Variants in POLL observed in about 807,000 individuals in gnomAD.
POLL encodes DNA polymerase lambda, also known as DNA polymerase beta-2.
POLL carries 44 observed loss-of-function variants against 58.1 expected under a neutral mutation model. The observed-to-expected ratio is 0.76, with a 90% CI of 0.60 to 0.97. The LOEUF (loss-of-function observed/expected upper bound fraction) is 0.97, where lower values mean the gene tolerates loss of function less well. POLL is among the 50% of genes least tolerant of loss of function. The pLI, the probability that POLL is intolerant of heterozygous loss-of-function variation, is 0.00. For synonymous variants in POLL, 290 were observed against 283.2 expected, an observed-to-expected ratio of 1.02 and a Z score of -0.24; for missense variants, 632 against 736.8, an observed-to-expected ratio of 0.86 and a Z score of 1.65.
chr10:101,588,177 G>T lies in POLL; in HGVS notation c.-402C>A. 6.6e-7 allele frequency: 1 copy of T among 1,523,526 alleles called. No individual in the cohort carries two copies. Among genetic ancestry groups the T allele is most frequent in the South Asian group, 1.2e-5 (1 of 82,568 alleles). 94.4% of individuals were successfully genotyped at this position (1,523,526 alleles called of 1,614,324 possible). On this transcript the variant is annotated 5_prime_UTR_variant, in exon 1 of 9. Coordinates refer to ENST00000370162, the MANE Select transcript of POLL (RefSeq NM_001174084.2). ...CGACTACTGGCCAAGCTAGTCACCC[G>T]GGGGTGGGCAGGAATAGACCACTTA...
At chr10:101,583,326 G>C in intron 6 of POLL, 182 bp downstream of exon 6, 2 of 622,642 alleles carry the variant, frequency 3.2e-6, no homozygotes, top group South Asian at 2.0e-5. Flanking sequence ...AAGCAACAAG[G>C]CTGTTCTGGG....
At chr10:101,586,942 G>A (rs540783074) in intron 2 of POLL, among the ~76,000 whole-genome samples, 1 of 152,302 alleles carries the variant, frequency 6.6e-6, no homozygotes, top group South Asian at 2.1e-4. Flanking sequence ...CAACAAGCCT[G>A]GGTAATGGAG....
At position 101,582,842 on chromosome 10, in the gene POLL, T is replaced by C; in HGVS notation, c.1115A>G (p.Gln372Arg). 6.2e-7 allele frequency: 1 copy of C among 1,614,092 alleles called. No homozygotes were observed. The highest frequency in any genetic ancestry group is 8.5e-7 in the Non-Finnish European group (1 of 1,179,928). Residue 372 changes from glutamine (Q) to arginine (R), a missense_variant, in exon 7 of 9, where the codon CAG becomes CGG. Transcript: ENST00000370162. ...GTAATGCTTCAGGCCGATGGCCTGC[T>C]GGGTTGTCAGGGAGGCCTGGCTGCG... Reference protein sequence around the residue: ...DIRSQASLTTQQAIGLKHYSD... With the variant: ...DIRSQASLTTRQAIGLKHYSD...
chr10:101,587,511 G>T (rs1266857599), intron 1 of POLL, 105 bp from the exon 2 acceptor site: 11 of 1,484,862 alleles, frequency 7.4e-6, no homozygotes, highest in Non-Finnish European at 9.9e-6. Flanking sequence ...TGGGGAAGCG[G>T]GTCGGGGGAG....
chr10:101,585,745 C>T (rs2063289749), intron 3 of POLL, 117 bp downstream of exon 3: 2 of 970,666 alleles, frequency 2.1e-6, no homozygotes, highest in South Asian at 1.9e-5. Context: ...GGACTACAGG[C>T]ACACCCCACC....
intron 2 of POLL, among the ~76,000 whole-genome samples, chr10:101,586,414 T>C (rs2063338046): frequency 6.6e-6 from 1 of 152,208 alleles, no homozygotes. Flanking sequence ...GTCTGGCACA[T>C]TGTAAGTAAC....
Position 101,580,577 on chromosome 10 carries a change from C to T in POLL, c.1195-161G>A. 1.6e-6 allele frequency: 1 copy of T among 622,880 alleles called. No individual in the cohort carries two copies. The highest frequency in any genetic ancestry group is 2.8e-6 in the Non-Finnish European group (1 of 358,208). The allele number at this position is 622,880 out of a possible 1,614,324, so 38.6% of individuals were successfully genotyped here. The stretch of plus-strand genomic sequence containing the variant: ...GAATCCACCCTGAGGAGCTGCTGTT[C>T]TTTCCCTTCGCTAGGACAGGAGAGA... On this transcript the variant is annotated intron_variant, in intron 7 of 8. Transcript: ENST00000370162. This position sits in a 1 kb window ranked among gnomAD's most constrained non-coding sequence, Gnocchi z 4.1.
Position 101,582,794 on chromosome 10 carries a change from G to A in POLL, c.1163C>T (p.Pro388Leu), listed in dbSNP as rs1447377968. ...KHYSDFLERM[P>L]REEATEIEQT... ...CTCAATCTCTGTAGCCTCCTCCCTG[G>A]GCATACGTTCCAGGAAGTCACTGTA... Residue 388 changes from proline (P) to leucine (L), a missense_variant, in exon 7 of 9, where the codon CCC becomes CTC. Pro to Leu is a moderately conservative substitution (Grantham distance 98, BLOSUM62 -3). Coordinates refer to ENST00000370162, the MANE Select transcript of POLL (RefSeq NM_001174084.2). 6.2e-7 allele frequency: 1 copy of A among 1,614,116 alleles called. No homozygotes were observed.
chr10:101,586,375 C>T (rs754218683), intron 2 of POLL, among the ~76,000 whole-genome samples: 1 of 152,344 alleles, frequency 6.6e-6, no homozygotes, highest in South Asian at 2.1e-4. Context: ...GATTTTCATA[C>T]GTCCTGTTCC....
At position 101,588,026 on chromosome 10, in the gene POLL, T is replaced by C. The variant is rs1201896478; in HGVS notation, c.-251A>G. Reference sequence around the variant, plus strand: ...CGGGTGAAGTCCCGGGCAGGTGCGGTGTACTCGCCGTGTACGCAGCTGGCG... The same window carrying C: ...CGGGTGAAGTCCCGGGCAGGTGCGGCGTACTCGCCGTGTACGCAGCTGGCG... On this transcript the variant is annotated 5_prime_UTR_variant, in exon 1 of 9. Transcript: ENST00000370162. 1.4e-6 allele frequency: 2 copies of C among 1,385,586 alleles called. No homozygotes were observed. Among genetic ancestry groups the C allele is most frequent in the Admixed American group, 4.3e-5 (2 of 45,996 alleles). The allele number at this position is 1,385,586 out of a possible 1,614,324, so 85.8% of individuals were successfully genotyped here.
At position 101,588,172 on chromosome 10, in the gene POLL, C is replaced by T. The variant is rs1432392785; in HGVS notation, c.-397G>A. 1.3e-6 allele frequency: 2 copies of T among 1,524,464 alleles called. No homozygotes were observed. The highest frequency in any genetic ancestry group is 2.0e-5 in the Admixed American group (1 of 50,458). The allele number at this position is 1,524,464 out of a possible 1,614,324, so 94.4% of individuals were successfully genotyped here. ...GGGGTCGACTACTGGCCAAGCTAGTCACCCGGGGGTGGGCAGGAATAGACC... is the reference window on the plus strand; with the variant it reads ...GGGGTCGACTACTGGCCAAGCTAGTTACCCGGGGGTGGGCAGGAATAGACC... On this transcript the variant is annotated 5_prime_UTR_variant, in exon 1 of 9. Transcript: ENST00000370162.
Position 101,588,025 on chromosome 10 carries a change from G to A in POLL, c.-250C>T, listed in dbSNP as rs1308725814. ...GCGGGTGAAGTCCCGGGCAGGTGCG[G>A]TGTACTCGCCGTGTACGCAGCTGGC... On this transcript the variant is annotated 5_prime_UTR_variant, in exon 1 of 9. Coordinates refer to ENST00000370162, the MANE Select transcript of POLL (RefSeq NM_001174084.2). 21 of 1,384,448 alleles carry A rather than the reference G, an allele frequency of 1.5e-5. No homozygotes were observed. The highest frequency in any genetic ancestry group is 2.0e-5 in the Non-Finnish European group (21 of 1,050,866). The allele number at this position is 1,384,448 out of a possible 1,614,324, so 85.8% of individuals were successfully genotyped here.
chr10:101,583,617 C>G lies in POLL; in HGVS notation c.956G>C (p.Ser319Thr). The part of the protein sequence containing the change: ...MAEKIIEILE[S>T]GHLRKLDHIS... ...ATGGTCCAGCTTCCGCAAATGCCCG[C>G]TCTCCAGGATCTCTATGATTTTCTC... The change falls in exon 6 of 9, where the codon AGC becomes ACC. Residue 319 changes from serine to threonine, a missense_variant. Physicochemically the swap from Ser to Thr is moderately conservative, Grantham distance 58. Coordinates refer to ENST00000370162, the MANE Select transcript of POLL (RefSeq NM_001174084.2). 6.2e-7 allele frequency: 1 copy of G among 1,614,190 alleles called. No individual in the cohort carries two copies. The highest frequency in any genetic ancestry group is 8.5e-7 in the Non-Finnish European group (1 of 1,180,046).
chr10:101,584,961 C>A, intron 4 of POLL, 42 bp from the exon 5 acceptor site: 1 of 1,271,558 alleles, frequency 7.9e-7, no homozygotes, highest in East Asian at 2.8e-5. Flanking sequence ...TTCTTGTTCT[C>A]CAAGAGAAGG....
chr10:101,588,162 C>T lies in POLL; in HGVS notation c.-387G>A. The T allele has an allele frequency of 6.6e-7, 1 of 1,522,186 alleles. No homozygotes were observed. The highest frequency in any genetic ancestry group is 2.0e-5 in the Admixed American group (1 of 50,430). 94.3% of individuals were successfully genotyped at this position (1,522,186 alleles called of 1,614,324 possible). On this transcript the variant is annotated 5_prime_UTR_variant, in exon 1 of 9. Coordinates refer to ENST00000370162, the MANE Select transcript of POLL (RefSeq NM_001174084.2). The stretch of plus-strand genomic sequence containing the variant: ...GTCCCCGGGTGGGGTCGACTACTGG[C>T]CAAGCTAGTCACCCGGGGGTGGGCA...
rs2134649572 is a variant in POLL at position 101,584,862 on chromosome 10, G to T, written c.631C>A (p.Leu211Met). 6.8e-7 allele frequency: 1 copy of T among 1,479,418 alleles called. No individual in the cohort carries two copies. Among genetic ancestry groups the T allele is most frequent in the South Asian group, 1.5e-5 (1 of 68,354 alleles). 91.6% of individuals were successfully genotyped at this position (1,479,418 alleles called of 1,614,324 possible). Residue 211 changes from leucine to methionine, a missense_variant, in exon 5 of 9, where the codon CTG becomes ATG. By Grantham distance (15) the Leu-to-Met change is conservative (BLOSUM62 2). Coordinates refer to ENST00000370162, the MANE Select transcript of POLL (RefSeq NM_001174084.2). ...TAGTGGCCACTGATGAGGGCTTCCA[G>T]ATCAGCTGCACTAACCTGGGTTTCT... ...GEETQVSAAD[L>M]EALISGHYPT...
At chr10:101,581,270 T>A (rs1339263890) in intron 7 of POLL, 1 of 152,140 alleles carries the variant, frequency 6.6e-6, no homozygotes, top group African/African-American at 2.4e-5. Flanking sequence ...TCCACGTGAG[T>A]AATCCCATCA....
Position 101,580,561 on chromosome 10 carries a change from C to T in POLL, c.1195-145G>A. The T allele has an allele frequency of 3.0e-6, 2 of 658,792 alleles. No homozygotes were observed. The highest frequency in any genetic ancestry group is 5.2e-6 in the Non-Finnish European group (2 of 386,662). The allele number at this position is 658,792 out of a possible 1,614,324, so 40.8% of individuals were successfully genotyped here. ...TGCTGCAAGCCCAGGGGAATCCACC[C>T]TGAGGAGCTGCTGTTCTTTCCCTTC... On this transcript the variant is annotated intron_variant, in intron 7 of 8. Transcript: ENST00000370162. This position sits in a 1 kb window ranked among gnomAD's most constrained non-coding sequence, Gnocchi z 4.1.
chr10:101,587,153 A>G (rs776744948), intron 2 of POLL, 93 bp downstream of exon 2: 4 of 1,610,078 alleles, frequency 2.5e-6, no homozygotes, highest in Non-Finnish European at 3.4e-6. Flanking sequence ...AGTCAGCTCC[A>G]ATATCTGATT....
Sources: allele counts gnomAD v4.1 joint callset (sites outside exome capture counted in the v4.1 genomes callset), GRCh38; gene constraint gnomAD v4.1.1; non-coding constraint Gnocchi (gnomAD v3.1); transcripts MANE v1.5; gene names NCBI Gene and HGNC (gene_info 2026-07-23, HGNC 2026-07-21).